The following SPATA1 variants were observed in gnomAD, a reference collection of about 807,000 sequenced individuals.
SPATA1 encodes spermatogenesis-associated protein 1.
In SPATA1, 57 loss-of-function variants were observed where a neutral mutation model predicts 59.6. That is an observed-to-expected ratio of 0.96 (90% confidence interval 0.77 to 1.19). The LOEUF is 1.19. Ranked by LOEUF, SPATA1 falls within the 50% of genes most tolerant of loss-of-function variation. The pLI is 0.00. For synonymous variants in SPATA1, 147 were observed against 163.9 expected (o/e 0.90, Z 0.79); for missense variants, 448 against 480.7 (o/e 0.93, Z 0.64).
At chr1:84,527,922 G>A (rs951735274) in intron 6 of SPATA1, among the ~76,000 whole-genome samples, 1 of 152,098 alleles carries the variant, frequency 6.6e-6, no homozygotes, top group Non-Finnish European at 1.5e-5. Flanking sequence ...GTAGAGGCAG[G>A]GTTTCACCAT....
chr1:84,542,628 A>G (rs1683951326), intron 8 of SPATA1, among the ~76,000 whole-genome samples: 3 of 151,990 alleles, frequency 2.0e-5, no homozygotes, highest in Admixed American at 2.0e-4. Context: ...CTCTGCTCAG[A>G]TGTGGGCTCC....
At chr1:84,563,765 A>T (rs375409657) in intron 4 of SPATA1, 2 of 1,608,050 alleles carry the variant, frequency 1.2e-6, no homozygotes, top group African/African-American at 2.7e-5. Context: ...TATAATCATA[A>T]CCATACCAAG....
chr1:84,559,877 G>A (rs1343236159), intron 4 of SPATA1, among the ~76,000 whole-genome samples: 1 of 151,868 alleles, frequency 6.6e-6, no homozygotes, highest in Non-Finnish European at 1.5e-5. Flanking sequence ...TTGAGGTCAG[G>A]AGTTTGAGAC....
chr1:84,550,639 G>T (rs1684242228), intron 12 of SPATA1, 109 bp downstream of exon 12: 3 of 1,267,284 alleles, frequency 2.4e-6, no homozygotes, highest in Non-Finnish European at 3.0e-6. Context: ...AGGATTGACT[G>T]TATTAAAATT....
Position 84,516,967 on chromosome 1 carries a change from T to C in SPATA1, c.36+572T>C, listed in dbSNP as rs576752646. Among the ~76,000 whole-genome samples, 9 of 152,250 alleles carry C rather than the reference T, an allele frequency of 5.9e-5. No homozygotes were observed. The East Asian group carries it at 1.7e-3, about 29-fold the overall frequency. On this transcript the variant is annotated intron_variant, in intron 2 of 12. Coordinates refer to ENST00000490879, the Ensembl canonical transcript of SPATA1. The stretch of plus-strand genomic sequence containing the variant: ...AGTCTTTCACTCTTCTAAACAAGTA[T>C]GTCATACCATCTCAGACCCCCAATA...
In SPATA1 at chr1:84,528,492, A is replaced by G. The variant is rs564666676; in HGVS notation, c.544+2419A>G. Among the ~76,000 whole-genome samples, 7 of 152,284 alleles carry G rather than the reference A, an allele frequency of 4.6e-5. No homozygotes were observed. In the South Asian group the frequency reaches 1.0e-3, roughly 23 times the overall value. On this transcript the variant is annotated intron_variant, in intron 6 of 12. Coordinates refer to ENST00000490879, the Ensembl canonical transcript of SPATA1. The stretch of plus-strand genomic sequence containing the variant: ...GTTTTGAATTTTATTTATGTATATC[A>G]TTTTGGACTCACTTCTCTTACTCAA...
At chr1:84,507,938 AT>A (rs1682345208) in intron 1 of SPATA1, among the ~76,000 whole-genome samples, 1 of 152,066 alleles carries the variant, frequency 6.6e-6, no homozygotes, top group Non-Finnish European at 1.5e-5. Context: ...ACCAGGTGTT[AT>A]TTTTTTGTAG....
intron 8 of SPATA1, among the ~76,000 whole-genome samples, chr1:84,540,565 T>C (rs34527745): frequency 0.077 from 11,744 of 152,184 alleles, 673 homozygotes; most frequent in Non-Finnish European, 0.12. Context: ...TGTCAAACAA[T>C]ATAAATTTTT....
At chr1:84,532,729 A>G (rs1683521001) in intron 6 of SPATA1, 131 bp from the exon 7 acceptor site, 3 of 601,772 alleles carry the variant, frequency 5.0e-6, no homozygotes, top group Non-Finnish European at 8.9e-6. Context: ...ACTTATATCT[A>G]TATAGGAAAG....
intron 9 of SPATA1, among the ~76,000 whole-genome samples, chr1:84,545,109 T>C (rs145696017): frequency 0.054 from 8,125 of 150,546 alleles, 306 homozygotes; most frequent in Non-Finnish European, 0.077. Context: ...CCTAGCTACT[T>C]AGAAGGCTGA....
intron 2 of SPATA1, among the ~76,000 whole-genome samples, chr1:84,516,711 A>G (rs1425538292): frequency 6.6e-6 from 1 of 152,128 alleles, no homozygotes; most frequent in Non-Finnish European, 1.5e-5. Context: ...CTTTGCACAT[A>G]TTTTTGACTC....
At chr1:84,509,655 A>G (rs1008462887) in intron 1 of SPATA1, among the ~76,000 whole-genome samples, 10 of 152,218 alleles carry the variant, frequency 6.6e-5, no homozygotes, top group Non-Finnish European at 1.0e-4. Flanking sequence ...AGTCGCAGCT[A>G]CTTGGGAAGC....
At chr1:84,547,110 A>G (rs1684113096) in intron 10 of SPATA1, among the ~76,000 whole-genome samples, 1 of 152,246 alleles carries the variant, frequency 6.6e-6, no homozygotes, top group Non-Finnish European at 1.5e-5. Flanking sequence ...ACTTCTCAAG[A>G]TTCTGCTTTA....
intron 6 of SPATA1, among the ~76,000 whole-genome samples, chr1:84,527,031 G>A (rs1163708292): frequency 6.6e-6 from 1 of 151,938 alleles, no homozygotes; most frequent in African/African-American, 2.4e-5. Context: ...GCATCTAACG[G>A]GTGTCAAGTA....
rs147645744 is a variant in SPATA1 at position 84,512,450 on chromosome 1, G to C, written c.-137-3773G>C. 2.6e-4 allele frequency among the ~76,000 whole-genome samples: 39 copies of C among 152,262 alleles called. No individual in the cohort carries two copies. The East Asian group carries it at 7.3e-3, about 29-fold the overall frequency. On this transcript the variant is annotated intron_variant, in intron 1 of 12. Transcript: ENST00000490879. The stretch of plus-strand genomic sequence containing the variant: ...TACTTTATTGGTATATTTAAACATA[G>C]CCCATGTCAGCATTTAGGATTTTCT...
intron 10 of SPATA1, among the ~76,000 whole-genome samples, chr1:84,547,297 T>G (rs572794429): frequency 4.5e-4 from 69 of 152,318 alleles, no homozygotes; most frequent in African/African-American, 1.5e-3. Context: ...CCCTTTCTGT[T>G]TATGAAATGG....
intron 11 of SPATA1, 178 bp from the exon 12 acceptor site, chr1:84,550,254 A>G (rs1186686288): frequency 1.1e-5 from 4 of 374,354 alleles, no homozygotes; most frequent in Non-Finnish European, 1.9e-5. Context: ...CTAAAATGCA[A>G]GAAATCAACA....
intron 8 of SPATA1, among the ~76,000 whole-genome samples, chr1:84,541,006 T>C (rs1683880865): frequency 6.6e-6 from 1 of 152,262 alleles, no homozygotes; most frequent in Non-Finnish European, 1.5e-5. Context: ...TATAAAATCC[T>C]TGGCTTATTT....
intron 4 of SPATA1, among the ~76,000 whole-genome samples, chr1:84,523,537 A>G (rs1683109103): frequency 6.6e-6 from 1 of 152,186 alleles, no homozygotes; most frequent in Admixed American, 6.5e-5. Flanking sequence ...TCATCATTGT[A>G]TTTATAACCA....
Sources: gnomAD v4.1 joint callset for allele counts (sites outside exome capture counted in the v4.1 genomes callset) on GRCh38, gnomAD v4.1.1 for gene constraint, MANE v1.5 for transcripts, NCBI Gene and HGNC (gene_info 2026-07-23, HGNC 2026-07-21) for gene names.